Variants in FRMPD1 observed in about 807,000 individuals in gnomAD.
FRMPD1 encodes the protein FERM and PDZ domain-containing protein 1.
In FRMPD1, 76 loss-of-function variants were observed where a neutral mutation model predicts 117.8. The ratio of observed to expected loss-of-function variants is 0.65; its 90% CI spans 0.54 to 0.78. FRMPD1 has a LOEUF of 0.78. Ranked by LOEUF, FRMPD1 falls within the 30% of genes least tolerant of loss-of-function variation. The probability of loss-of-function intolerance (pLI) is 0.00; values close to 1 mark genes in which losing one functional copy is unlikely to be tolerated. For synonymous variants in FRMPD1, 783 were observed against 770.4 expected (o/e 1.02, Z -0.27); for missense variants, 1,786 against 1,964.5 (o/e 0.91, Z 1.72).
At chr9:37,615,766 T>C in the FRMPD1 span, among the ~76,000 whole-genome samples, 692 of 152,000 alleles carry the variant, frequency 4.6e-3, 7 homozygotes, top group South Asian at 0.022. Context: ...AATAACTCCT[T>C]CCATTCCATT....
rs572541929 is a variant in FRMPD1, at chr9:37,701,376, C to T, written c.102-6040C>T. ...AGAGGACAAGAGACTTTGCACTGGTCTGTAGGTACATTTTGTAGGAGATAT... is the reference window on the plus strand; with the variant it reads ...AGAGGACAAGAGACTTTGCACTGGTTTGTAGGTACATTTTGTAGGAGATAT... On this transcript the variant is annotated intron_variant, in intron 2 of 15. Coordinates refer to ENST00000377765, the MANE Select transcript of FRMPD1 (RefSeq NM_014907.3). 3.9e-4 allele frequency among the ~76,000 whole-genome samples: 59 copies of T among 152,270 alleles called. 1 individual carries two copies. The East Asian group carries it at 0.011, about 28-fold the overall frequency.
the FRMPD1 span, among the ~76,000 whole-genome samples, chr9:37,641,936 A>T: frequency 6.6e-6 from 1 of 152,244 alleles, no homozygotes; most frequent in Admixed American, 6.5e-5. Flanking sequence ...ACACTGATAT[A>T]GTCCAATTCT....
the FRMPD1 span, among the ~76,000 whole-genome samples, chr9:37,629,703 A>C: frequency 6.6e-6 from 1 of 152,210 alleles, no homozygotes; most frequent in African/African-American, 2.4e-5. Flanking sequence ...AAAATGTTGA[A>C]ATTCTCTGGG....
chr9:37,708,071 T>C (rs573615037), intron 3 of FRMPD1, among the ~76,000 whole-genome samples: 82 of 152,356 alleles, frequency 5.4e-4, no homozygotes, highest in South Asian at 2.3e-3. Flanking sequence ...TTGATTTCTA[T>C]TTACTACACA....
chr9:37,689,526 T>C (rs1363092092), intron 1 of FRMPD1, among the ~76,000 whole-genome samples: 1 of 152,178 alleles, frequency 6.6e-6, no homozygotes, highest in East Asian at 1.9e-4. Context: ...TCTTCATGCA[T>C]CTCAACAGTT....
chr9:37,681,883 G>A (rs1350128628), intron 1 of FRMPD1, among the ~76,000 whole-genome samples: 1 of 152,222 alleles, frequency 6.6e-6, no homozygotes, highest in Admixed American at 6.5e-5. Flanking sequence ...TCCATACGAA[G>A]TTAGAAAACA....
chr9:37,733,575 G>A lies in FRMPD1; in HGVS notation c.1098G>A (p.Gln366=). 6.2e-7 allele frequency: 1 copy of A among 1,614,054 alleles called. No homozygotes were observed. Among genetic ancestry groups the A allele is most frequent in the Non-Finnish European group, 8.5e-7 (1 of 1,179,992 alleles). ...KAISFHMKRN[Q]NLLEPRQKQL... Reference sequence around the variant, plus strand: ...TTAGCTTCCACATGAAGAGGAACCAGAATTTGCTGGAACCCCGACAGAAGG... The same window carrying A: ...TTAGCTTCCACATGAAGAGGAACCAAAATTTGCTGGAACCCCGACAGAAGG... Residue 366 remains glutamine, a synonymous_variant, in exon 11 of 16, where the codon CAG becomes CAA. Transcript: ENST00000377765.
chr9:37,656,653 G>A (rs1205590921), intron 1 of FRMPD1, among the ~76,000 whole-genome samples: 1 of 151,512 alleles, frequency 6.6e-6, no homozygotes, highest in Non-Finnish European at 1.5e-5. Context: ...AATTTGTTTT[G>A]GTAATTACAG....
intron 1 of FRMPD1, among the ~76,000 whole-genome samples, chr9:37,655,892 G>A (rs1820828662): frequency 1.3e-5 from 2 of 152,018 alleles, no homozygotes; most frequent in Admixed American, 1.3e-4. Flanking sequence ...AGCCTTGGTG[G>A]TCCTGCCTAT....
intron 10 of FRMPD1, among the ~76,000 whole-genome samples, chr9:37,732,747 G>T (rs1823947519): frequency 6.6e-6 from 1 of 152,180 alleles, no homozygotes; most frequent in Non-Finnish European, 1.5e-5. Flanking sequence ...TTCTAGGGGT[G>T]GGAATGCCTT....
chr9:37,673,078 T>G (rs1160977441), intron 1 of FRMPD1, among the ~76,000 whole-genome samples: 1 of 152,174 alleles, frequency 6.6e-6, no homozygotes, highest in African/African-American at 2.4e-5. Context: ...CATTTCAACA[T>G]TAACCCAGAA....
chr9:37,628,988 C>A, the FRMPD1 span, among the ~76,000 whole-genome samples: 1 of 152,208 alleles, frequency 6.6e-6, no homozygotes, highest in African/African-American at 2.4e-5. Flanking sequence ...CACCTCAGGT[C>A]AGGAGTTCAA....
intron 1 of FRMPD1, among the ~76,000 whole-genome samples, chr9:37,678,449 T>A (rs1437601784): frequency 2.0e-5 from 3 of 151,928 alleles, no homozygotes; most frequent in African/African-American, 7.3e-5. Context: ...TTAGTAGAGA[T>A]GGGGTTTCAC....
the FRMPD1 span, among the ~76,000 whole-genome samples, chr9:37,623,621 C>T: frequency 6.6e-6 from 1 of 152,166 alleles, no homozygotes; most frequent in Admixed American, 6.5e-5. Context: ...GGTGAGAGCC[C>T]TGCATGCTGG....
intron 4 of FRMPD1, among the ~76,000 whole-genome samples, chr9:37,709,878 C>A (rs567153457): frequency 6.6e-6 from 1 of 152,254 alleles, no homozygotes; most frequent in East Asian, 1.9e-4. Flanking sequence ...GTGTGATTCT[C>A]CCCCTGGAAG....
At chr9:37,660,309 T>A (rs1224281758) in intron 1 of FRMPD1, among the ~76,000 whole-genome samples, 1 of 151,914 alleles carries the variant, frequency 6.6e-6, no homozygotes, top group Non-Finnish European at 1.5e-5. Context: ...TGCAGGGAGA[T>A]CTAGGAGGGC....
chr9:37,740,450 C>CT lies in FRMPD1; in HGVS notation c.1923dup (p.Asp642Ter). 1 of 1,614,218 alleles carries CT rather than the reference C, an allele frequency of 6.2e-7. No homozygotes were observed. The highest frequency in any genetic ancestry group is 8.5e-7 in the Non-Finnish European group (1 of 1,180,036). ...CCAGGCCTCGCAGAGAGCATTGACT[C>CT]TGACAGCCAGGAGGAGAGAAGCGGG... On this transcript the variant is annotated frameshift_variant, in exon 15 of 16. Transcript: ENST00000377765. LOFTEE classifies it high-confidence loss of function. This position sits in a 1 kb window ranked among gnomAD's most constrained non-coding sequence, Gnocchi z 4.2.
the FRMPD1 span, among the ~76,000 whole-genome samples, chr9:37,603,289 T>C: frequency 6.6e-6 from 1 of 152,156 alleles, no homozygotes; most frequent in African/African-American, 2.4e-5. Flanking sequence ...GGATTGATGC[T>C]GGGATTTGGT....
intron 8 of FRMPD1, 30 bp downstream of exon 8, chr9:37,729,883 A>G (rs1335869954): frequency 6.2e-7 from 1 of 1,608,672 alleles, no homozygotes; most frequent in Non-Finnish European, 8.5e-7. Context: ...TGTTCCTGGG[A>G]GGCATGGGCT....
Sources: gnomAD v4.1 joint callset for allele counts (sites outside exome capture counted in the v4.1 genomes callset) on GRCh38, gnomAD v4.1.1 for gene constraint, Gnocchi (gnomAD v3.1) non-coding constraint, MANE v1.5 for transcripts, NCBI Gene and HGNC (gene_info 2026-07-23, HGNC 2026-07-21) for gene names.